The following ATOSA variants were observed in gnomAD, a reference collection of about 807,000 sequenced individuals.
The protein encoded by ATOSA is atos homolog A, also known as atos homolog protein A.
chr15:52,609,989 C>G, the ATOSA span: 1 of 1,613,582 alleles, frequency 6.2e-7, no homozygotes, highest in South Asian at 1.1e-5. Context: ...GTCCCATGGT[C>G]AGATTTACTG....
the ATOSA span, chr15:52,678,195 G>C: frequency 1.3e-6 from 1 of 755,960 alleles, no homozygotes; most frequent in Non-Finnish European, 2.2e-6. Context: ...CTACTGTTAA[G>C]TTAGGCCTCT....
At chr15:52,671,089 G>A in the ATOSA span, among the ~76,000 whole-genome samples, 1 of 152,108 alleles carries the variant, frequency 6.6e-6, no homozygotes, top group South Asian at 2.1e-4. Flanking sequence ...GGACATCAGA[G>A]AGCTTCTAGC....
At chr15:52,584,386 C>T in the ATOSA span, among the ~76,000 whole-genome samples, 3 of 152,020 alleles carry the variant, frequency 2.0e-5, no homozygotes, top group South Asian at 2.1e-4. Flanking sequence ...GATTGGCCCA[C>T]CTTGGCCTCC....
the ATOSA span, among the ~76,000 whole-genome samples, chr15:52,602,606 T>G: frequency 6.6e-6 from 1 of 152,208 alleles, no homozygotes; most frequent in Non-Finnish European, 1.5e-5. Context: ...TAGCTAGACA[T>G]CTCTGAATCT....
chr15:52,679,752 TCGTCTC>T, the ATOSA span, among the ~76,000 whole-genome samples: 1 of 141,594 alleles, frequency 7.1e-6, no homozygotes, highest in Non-Finnish European at 1.5e-5. Context: ...ATTATAGTCG[TCGTCTC>T]CTCCTCCTCC....
At chr15:52,602,466 C>G in the ATOSA span, among the ~76,000 whole-genome samples, 1 of 152,044 alleles carries the variant, frequency 6.6e-6, no homozygotes, top group African/African-American at 2.4e-5. Context: ...AGGTCATCTT[C>G]AGTAAGACGT....
the ATOSA span, among the ~76,000 whole-genome samples, chr15:52,663,912 A>G: frequency 6.6e-6 from 1 of 152,164 alleles, no homozygotes; most frequent in Non-Finnish European, 1.5e-5. Context: ...GATATCAAAA[A>G]AGTTGGGAAA....
At chr15:52,659,982 T>C in the ATOSA span, among the ~76,000 whole-genome samples, 1 of 152,234 alleles carries the variant, frequency 6.6e-6, no homozygotes, top group South Asian at 2.1e-4. Context: ...TCATCCTATG[T>C]AGCATTTAAC....
the ATOSA span, among the ~76,000 whole-genome samples, chr15:52,693,292 T>C: frequency 1.1e-4 from 16 of 152,076 alleles, no homozygotes; most frequent in Non-Finnish European, 1.9e-4. Context: ...TGGTGGTGCA[T>C]ACCTGTAATC....
At chr15:52,585,095 CAA>C in the ATOSA span, 2 of 568,036 alleles carry the variant, frequency 3.5e-6, no homozygotes, top group Non-Finnish European at 5.8e-6. Flanking sequence ...AACACAATTT[CAA>C]AAGTTTAAGA....
the ATOSA span, among the ~76,000 whole-genome samples, chr15:52,688,201 T>C: frequency 2.0e-5 from 3 of 152,380 alleles, no homozygotes; most frequent in Admixed American, 6.5e-5. Flanking sequence ...GTAGTGAATT[T>C]GGAATTTCTT....
chr15:52,617,948 T>C, the ATOSA span, among the ~76,000 whole-genome samples: 1 of 152,022 alleles, frequency 6.6e-6, no homozygotes, highest in Admixed American at 6.6e-5. Flanking sequence ...CCATGACCCA[T>C]CTGCAGGCCT....
the ATOSA span, among the ~76,000 whole-genome samples, chr15:52,620,535 T>C: frequency 2.0e-5 from 3 of 152,226 alleles, no homozygotes; most frequent in Admixed American, 6.5e-5. Flanking sequence ...CTGTTATATA[T>C]GCTGTTTATT....
the ATOSA span, chr15:52,605,317 G>A: frequency 9.1e-7 from 1 of 1,098,736 alleles, no homozygotes; most frequent in Non-Finnish European, 1.3e-6. Context: ...CAGTGTTTTT[G>A]TTTTTAGACT....
chr15:52,651,017 G>A, the ATOSA span, among the ~76,000 whole-genome samples: 1 of 152,060 alleles, frequency 6.6e-6, no homozygotes, highest in Non-Finnish European at 1.5e-5. Flanking sequence ...AATTTTTCCA[G>A]ATCCTATATA....
the ATOSA span, among the ~76,000 whole-genome samples, chr15:52,703,711 A>G: frequency 1.3e-5 from 2 of 152,072 alleles, no homozygotes; most frequent in East Asian, 1.9e-4. Flanking sequence ...GGGCTAGGGG[A>G]GGGATAGCAT....
the ATOSA span, among the ~76,000 whole-genome samples, chr15:52,662,450 T>C: frequency 6.6e-6 from 1 of 152,196 alleles, no homozygotes; most frequent in East Asian, 1.9e-4. Flanking sequence ...TGCAGCTTAC[T>C]ACTCTGACAA....
chr15:52,630,849 C>T, the ATOSA span, among the ~76,000 whole-genome samples: 1 of 152,092 alleles, frequency 6.6e-6, no homozygotes, highest in East Asian at 1.9e-4. Context: ...AACGTAAGTA[C>T]AAGAATAATA....
chr15:52,587,706 G>C, the ATOSA span: 2 of 152,412 alleles, frequency 1.3e-5, no homozygotes, highest in Non-Finnish European at 2.9e-5. Context: ...AAAAAAAATA[G>C]AAAAGCAATT....
Sources: allele counts gnomAD v4.1 joint callset (sites outside exome capture counted in the v4.1 genomes callset), GRCh38; gene constraint gnomAD v4.1.1; transcripts MANE v1.5; gene names NCBI Gene and HGNC (gene_info 2026-07-23, HGNC 2026-07-21).